CYP2J2: variants seen among roughly 807,000 people sequenced by gnomAD.
CYP2J2 encodes cytochrome P450 family 2 subfamily J member 2.
In CYP2J2, 41 loss-of-function variants were observed where a neutral mutation model predicts 48.8. The ratio of observed to expected loss-of-function variants is 0.84; its 90% confidence interval spans 0.66 to 1.09. The LOEUF is 1.09. Among genes scored for constraint, CYP2J2 ranks in the 50% least tolerant of loss-of-function variants. The probability of loss-of-function intolerance (pLI) is 0.00; values close to 1 mark genes in which losing one functional copy is unlikely to be tolerated. For synonymous variants in CYP2J2, 221 were observed against 227.1 expected (o/e 0.97, Z 0.24); for missense variants, 644 against 617.3 (o/e 1.04, Z -0.46).
chr1:59,929,540 T>C (rs1403190486), upstream of CYP2J2, among the ~76,000 whole-genome samples: 2 of 152,136 alleles, frequency 1.3e-5, no homozygotes, highest in African/African-American at 4.8e-5. Flanking sequence ...TATGAGACAA[T>C]GTCTCAACAG....
chr1:59,961,801 C>T, the CYP2J2 span, among the ~76,000 whole-genome samples: 1 of 151,932 alleles, frequency 6.6e-6, no homozygotes, highest in Non-Finnish European at 1.5e-5. Context: ...CTGTCACATC[C>T]AAACAATAGA....
rs1286606778 is a variant in CYP2J2 at position 59,904,625 on chromosome 1, G to A, written c.1191+246C>T. 1.1e-5 allele frequency: 5 copies of A among 443,524 alleles called. No homozygotes were observed. The South Asian group carries it at 1.1e-4, about 10-fold the overall frequency. 27.5% of individuals were successfully genotyped at this position (443,524 alleles called of 1,614,324 possible). A position where few individuals can be genotyped will look rare whatever the true frequency, so the allele number is the denominator to read the frequency against. On this transcript the variant is annotated intron_variant, in intron 7 of 8. Transcript: ENST00000371204. ...ATTAGCATAGTAAAAACACTGAGAG[G>A]CCCCACAGGAAAGAAAAGCCAGTCT...
At chr1:59,921,380 T>C (rs1260420786) in intron 1 of CYP2J2, among the ~76,000 whole-genome samples, 2 of 152,148 alleles carry the variant, frequency 1.3e-5, no homozygotes, top group Non-Finnish European at 2.9e-5. Flanking sequence ...GAGCCAACAG[T>C]GCCTGATGTG....
chr1:59,904,467 T>G (rs1469201983), intron 7 of CYP2J2: 1 of 160,302 alleles, frequency 6.2e-6, no homozygotes, highest in Non-Finnish European at 1.4e-5. Flanking sequence ...CCCAGGTTCA[T>G]GAAGCAGAAT....
the CYP2J2 span, among the ~76,000 whole-genome samples, chr1:59,963,932 A>G: frequency 1.4e-4 from 22 of 152,222 alleles, no homozygotes; most frequent in South Asian, 4.1e-4. Context: ...TATTTTATAA[A>G]TTAAAATTTA....
At chr1:59,936,679 T>C in the CYP2J2 span, among the ~76,000 whole-genome samples, 2 of 152,156 alleles carry the variant, frequency 1.3e-5, no homozygotes, top group Non-Finnish European at 2.9e-5. Flanking sequence ...TTTGTTTTTT[T>C]CCCCTGCTGT....
the CYP2J2 span, among the ~76,000 whole-genome samples, chr1:59,934,847 C>T: frequency 6.6e-6 from 1 of 150,834 alleles, no homozygotes; most frequent in African/African-American, 2.4e-5. Flanking sequence ...AATCCCACAT[C>T]TGGTTATATA....
upstream of CYP2J2, chr1:59,926,775 G>A (rs373347318): frequency 4.0e-5 from 63 of 1,580,508 alleles, no homozygotes; most frequent in African/African-American, 6.2e-4. Flanking sequence ...CTCTTCTGCG[G>A]TCCAAGCAGG....
intron 2 of CYP2J2, chr1:59,912,888 AAGG>A (rs11572258): frequency 8.7e-4 from 133 of 152,432 alleles, no homozygotes; most frequent in African/African-American, 3.1e-3. Flanking sequence ...TCAAGAGATC[AAGG>A]AGGAGTGAAA....
intron 6 of CYP2J2, among the ~76,000 whole-genome samples, chr1:59,905,628 A>T (rs1203316717): frequency 1.3e-5 from 2 of 152,056 alleles, no homozygotes; most frequent in Admixed American, 1.3e-4. Context: ...CAGGTTGCAA[A>T]CTCTTGCTCT....
In CYP2J2 at chr1:59,905,034, C is replaced by G. The variant is rs1644354286; in HGVS notation, c.1028G>C (p.Arg343Thr). 6.2e-7 allele frequency: 1 copy of G among 1,613,562 alleles called. No homozygotes were observed. The highest frequency in any genetic ancestry group is 8.5e-7 in the Non-Finnish European group (1 of 1,179,864). ...CGGCTGCTGCCCCTGGCCAATCACT[C>G]TGTCAATCTCAGCTTGTACTTTTTC... ...IQEKVQAEID[R>T]VIGQGQQPST... The change falls in exon 7 of 9, where the codon AGA becomes ACA. Residue 343 changes from arginine to threonine, a missense_variant. Arg to Thr is a moderately conservative substitution (Grantham distance 71). Transcript: ENST00000371204.
chr1:59,906,882 C>T (rs1176933930), intron 6 of CYP2J2, among the ~76,000 whole-genome samples: 1 of 152,176 alleles, frequency 6.6e-6, no homozygotes. Context: ...ATGGGAAGCA[C>T]TCTGATCTTT....
chr1:59,956,329 A>T, the CYP2J2 span, among the ~76,000 whole-genome samples: 104 of 152,262 alleles, frequency 6.8e-4, no homozygotes, highest in African/African-American at 2.3e-3. Context: ...GGTCATAAGG[A>T]AGTGTGTGTT....
chr1:59,960,216 G>A, the CYP2J2 span, among the ~76,000 whole-genome samples: 445 of 152,266 alleles, frequency 2.9e-3, 3 homozygotes, highest in African/African-American at 0.01. Flanking sequence ...CAGCCAATAA[G>A]GATGCATTAT....
At chr1:59,923,446 A>C (rs961546208) in intron 1 of CYP2J2, among the ~76,000 whole-genome samples, 1 of 152,244 alleles carries the variant, frequency 6.6e-6, no homozygotes, top group African/African-American at 2.4e-5. Flanking sequence ...GAATCAAGAG[A>C]ACATCAATTG....
intron 6 of CYP2J2, among the ~76,000 whole-genome samples, chr1:59,907,444 T>C (rs1644374245): frequency 6.6e-6 from 1 of 152,108 alleles, no homozygotes; most frequent in African/African-American, 2.4e-5. Flanking sequence ...CTGGAGGAAA[T>C]TGGAAGGCAT....
At chr1:59,894,223 TA>T (rs896728161) in intron 8 of CYP2J2, among the ~76,000 whole-genome samples, 9 of 152,260 alleles carry the variant, frequency 5.9e-5, no homozygotes, top group East Asian at 1.9e-4. Context: ...TTTTAATCCT[TA>T]AAAAAATTGT....
At chr1:59,910,025 C>T in intron 4 of CYP2J2, 65 bp from the exon 5 acceptor site, 1 of 1,213,962 alleles carries the variant, frequency 8.2e-7, no homozygotes, top group South Asian at 1.4e-5. Context: ...TTTAAGACAA[C>T]AGAAACCATC....
At chr1:59,956,385 A>T in the CYP2J2 span, among the ~76,000 whole-genome samples, 1 of 152,158 alleles carries the variant, frequency 6.6e-6, no homozygotes, top group South Asian at 2.1e-4. Flanking sequence ...CCTGAGTGCA[A>T]TAAACTCAGA....
Sources: allele counts gnomAD v4.1 joint callset (sites outside exome capture counted in the v4.1 genomes callset), GRCh38; gene constraint gnomAD v4.1.1; transcripts MANE v1.5; gene names NCBI Gene and HGNC (gene_info 2026-07-23, HGNC 2026-07-21).